CCDC73: variants seen among roughly 807,000 people sequenced by gnomAD.
The protein encoded by CCDC73 is coiled-coil domain containing 73, also known as coiled-coil domain-containing protein 73.
Under a neutral mutation model 116.5 loss-of-function variants are expected in CCDC73, and 95 were observed. The ratio of observed to expected loss-of-function variants is 0.82; its 90% CI spans 0.69 to 0.97. The LOEUF is 0.97. CCDC73 is among the 50% of genes least tolerant of loss of function. The pLI, the probability that CCDC73 is intolerant of heterozygous loss-of-function variation, is 0.00. For synonymous variants in CCDC73, 398 were observed against 401.3 expected (o/e 0.99, Z 0.10); for missense variants, 1,066 against 1,206.8 (o/e 0.88, Z 1.73).
At chr11:32,629,436 G>A (rs187874332) in intron 14 of CCDC73, among the ~76,000 whole-genome samples, 1,517 of 148,924 alleles carry the variant, frequency 0.01, 30 homozygotes, top group African/African-American at 0.036. Flanking sequence ...TTTTTTTGAG[G>A]CGGAGTTTGC....
At chr11:32,618,193 G>A (rs1331147679) in intron 14 of CCDC73, among the ~76,000 whole-genome samples, 1 of 152,178 alleles carries the variant, frequency 6.6e-6, no homozygotes, top group Non-Finnish European at 1.5e-5. Context: ...CCATGTTGCT[G>A]CAAAGGACAT....
At chr11:32,759,714 T>C (rs1250345241) in intron 2 of CCDC73, among the ~76,000 whole-genome samples, 1 of 152,244 alleles carries the variant, frequency 6.6e-6, no homozygotes, top group African/African-American at 2.4e-5. Context: ...CTTAATCATA[T>C]ACTGCCTTGT....
At chr11:32,751,317 T>G (rs992680099) in intron 2 of CCDC73, among the ~76,000 whole-genome samples, 3 of 152,158 alleles carry the variant, frequency 2.0e-5, no homozygotes, top group African/African-American at 7.2e-5. Context: ...CCACCCCGAC[T>G]GGTGTGTCAC....
At chr11:32,727,929 T>C (rs1039869906) in intron 2 of CCDC73, among the ~76,000 whole-genome samples, 1 of 152,228 alleles carries the variant, frequency 6.6e-6, no homozygotes, top group African/African-American at 2.4e-5. Flanking sequence ...CTTTTCCTCC[T>C]ACATTTAATA....
chr11:32,659,229 T>C (rs924069825), intron 9 of CCDC73, among the ~76,000 whole-genome samples: 20 of 152,174 alleles, frequency 1.3e-4, no homozygotes, highest in African/African-American at 4.6e-4. Flanking sequence ...ATTTTTTTTT[T>C]CAGAGGTAGA....
chr11:32,655,312 A>G (rs867806200), intron 9 of CCDC73, among the ~76,000 whole-genome samples: 5 of 152,232 alleles, frequency 3.3e-5, no homozygotes, highest in South Asian at 4.1e-4. Context: ...CAATTCCCAA[A>G]TTTATTAGCC....
At chr11:32,636,930 T>C (rs1236678696) in intron 13 of CCDC73, among the ~76,000 whole-genome samples, 1 of 151,834 alleles carries the variant, frequency 6.6e-6, no homozygotes, top group South Asian at 2.1e-4. Context: ...CAGCATCTTC[T>C]CGTCAGCCTA....
chr11:32,694,811 T>G (rs1357154857), intron 6 of CCDC73, among the ~76,000 whole-genome samples: 1 of 151,868 alleles, frequency 6.6e-6, no homozygotes, highest in Non-Finnish European at 1.5e-5. Flanking sequence ...GTATGTCCAG[T>G]TCAAGAGACT....
chr11:32,713,490 C>T (rs771646153), intron 3 of CCDC73, among the ~76,000 whole-genome samples: 8 of 152,014 alleles, frequency 5.3e-5, no homozygotes, highest in Non-Finnish European at 8.8e-5. Flanking sequence ...AAAGGGATAA[C>T]GTTAAGGCTA....
At chr11:32,736,229 C>A (rs1010182168) in intron 2 of CCDC73, among the ~76,000 whole-genome samples, 4 of 152,100 alleles carry the variant, frequency 2.6e-5, no homozygotes, top group African/African-American at 7.2e-5. Context: ...AGGCAACCTA[C>A]AGAATGGAAG....
the CCDC73 span, among the ~76,000 whole-genome samples, chr11:32,824,348 T>A: frequency 6.6e-6 from 1 of 152,152 alleles, no homozygotes; most frequent in Non-Finnish European, 1.5e-5. Context: ...GCCTTTTATA[T>A]AATATACAAA....
intron 7 of CCDC73, among the ~76,000 whole-genome samples, chr11:32,677,452 A>G (rs1015828965): frequency 6.6e-6 from 1 of 152,140 alleles, no homozygotes; most frequent in Non-Finnish European, 1.5e-5. Flanking sequence ...CAAAAAGACT[A>G]TCTAAAACTA....
chr11:32,811,991 A>G, the CCDC73 span, among the ~76,000 whole-genome samples: 5 of 151,774 alleles, frequency 3.3e-5, no homozygotes, highest in African/African-American at 1.2e-4. Flanking sequence ...ATGCTGCCAG[A>G]ATATTTTTTG....
chr11:32,614,760 T>C lies in CCDC73; in HGVS notation c.1558A>G (p.Ile520Val). The change falls in exon 16 of 18, where the codon ATA becomes GTA. Residue 520 changes from isoleucine to valine, a missense_variant. Transcript: ENST00000335185. ...CATCCATTGTCTTTTTCCAAGCATA[T>C]CTTGTCTTTTATTTCTGTAGTAACT... ...KSVTTEIKDK[I>V]CLEKDNGCTE... 1.2e-6 allele frequency: 2 copies of C among 1,613,308 alleles called. No homozygotes were observed. The highest frequency in any genetic ancestry group is 1.3e-5 in the African/African-American group (1 of 75,024).
At chr11:32,827,938 C>G in the CCDC73 span, among the ~76,000 whole-genome samples, 1 of 152,062 alleles carries the variant, frequency 6.6e-6, no homozygotes, top group Non-Finnish European at 1.5e-5. Context: ...CCACAATAAA[C>G]CATGTCTGGC....
chr11:32,673,773 T>C (rs1216671448), intron 9 of CCDC73, among the ~76,000 whole-genome samples: 1 of 152,182 alleles, frequency 6.6e-6, no homozygotes, highest in Non-Finnish European at 1.5e-5. Flanking sequence ...GATGGGTTTA[T>C]TTGCAAAGGT....
At chr11:32,703,981 T>C (rs1238727529) in intron 3 of CCDC73, among the ~76,000 whole-genome samples, 1 of 152,262 alleles carries the variant, frequency 6.6e-6, no homozygotes, top group African/African-American at 2.4e-5. Context: ...AAAGTTTATC[T>C]TGTGACCTGT....
intron 2 of CCDC73, among the ~76,000 whole-genome samples, chr11:32,743,406 T>C (rs1401743292): frequency 6.6e-6 from 1 of 152,070 alleles, no homozygotes; most frequent in Non-Finnish European, 1.5e-5. Flanking sequence ...CACAACTACA[T>C]GGAACAACCT....
intron 2 of CCDC73, among the ~76,000 whole-genome samples, chr11:32,743,532 G>GTGC (rs1850208070): frequency 3.5e-5 from 1 of 28,774 alleles, no homozygotes; most frequent in Admixed American, 5.8e-4. Context: ...ATTTAAAGCA[G>GTGC]TGTATAGAGT....
Sources: gnomAD v4.1 joint callset for allele counts (sites outside exome capture counted in the v4.1 genomes callset) on GRCh38, gnomAD v4.1.1 for gene constraint, MANE v1.5 for transcripts, NCBI Gene and HGNC (gene_info 2026-07-23, HGNC 2026-07-21) for gene names.